Variants in TPH2 observed in about 807,000 individuals in gnomAD.
TPH2 encodes tryptophan 5-hydroxylase 2.
TPH2 carries 27 observed loss-of-function variants against 59.1 expected under a neutral mutation model. The observed-to-expected ratio is 0.46, with a 90% CI of 0.34 to 0.63. The LOEUF is 0.63. TPH2 is among the 30% of genes least tolerant of loss of function. The pLI, the probability that TPH2 is intolerant of heterozygous loss-of-function variation, is 0.01. For synonymous variants in TPH2, 220 were observed against 210.5 expected (o/e 1.05, Z -0.39); for missense variants, 523 against 588.3 (o/e 0.89, Z 1.15).
chr12:71,977,917 T>A (rs2139207669), intron 6 of TPH2, among the ~76,000 whole-genome samples: 1 of 152,332 alleles, frequency 6.6e-6, no homozygotes, highest in African/African-American at 2.4e-5. Flanking sequence ...ACAATGGACC[T>A]CATGCATAGT....
chr12:71,995,406 T>G (rs926164368), intron 8 of TPH2, among the ~76,000 whole-genome samples: 3 of 152,124 alleles, frequency 2.0e-5, no homozygotes, highest in Non-Finnish European at 4.4e-5. Flanking sequence ...AAAAATGCGA[T>G]CTTAAATTGT....
intron 9 of TPH2, among the ~76,000 whole-genome samples, chr12:72,026,874 G>A (rs1873582307): frequency 6.6e-6 from 1 of 152,192 alleles, no homozygotes; most frequent in Admixed American, 6.5e-5. Context: ...AGCAGGATGA[G>A]CCTTTGAGGG....
intron 6 of TPH2, among the ~76,000 whole-genome samples, chr12:71,978,629 T>G (rs1872186215): frequency 6.6e-6 from 1 of 152,222 alleles, no homozygotes; most frequent in African/African-American, 2.4e-5. Flanking sequence ...GCGGTAAGCA[T>G]CACTTTCGAT....
chr12:72,014,457 C>T (rs532931194), intron 8 of TPH2, among the ~76,000 whole-genome samples: 4 of 145,010 alleles, frequency 2.8e-5, no homozygotes, highest in African/African-American at 5.2e-5. Flanking sequence ...GTGGAGTGAT[C>T]TCGGCTCACT....
chr12:72,004,637 G>A (rs994697868), intron 8 of TPH2, among the ~76,000 whole-genome samples: 9 of 152,254 alleles, frequency 5.9e-5, no homozygotes, highest in African/African-American at 1.9e-4. Context: ...AGGGTTTTCT[G>A]GTTTAACTAC....
At chr12:71,967,410 T>A (rs1349186456) in intron 5 of TPH2, among the ~76,000 whole-genome samples, 1 of 152,182 alleles carries the variant, frequency 6.6e-6, no homozygotes, top group East Asian at 1.9e-4. Context: ...CAAGTTGACA[T>A]CCCCATGGTG....
chr12:72,000,545 C>T (rs1872797404), intron 8 of TPH2, among the ~76,000 whole-genome samples: 1 of 152,182 alleles, frequency 6.6e-6, no homozygotes, highest in Admixed American at 6.5e-5. Context: ...GTTCAAGGAC[C>T]ACATTTCAGT....
intron 8 of TPH2, among the ~76,000 whole-genome samples, chr12:72,017,474 A>G (rs1873291503): frequency 6.6e-6 from 1 of 152,236 alleles, no homozygotes; most frequent in Admixed American, 6.5e-5. Context: ...TAAAATATTT[A>G]TAAATAATTA....
Position 72,015,405 on chromosome 12 carries a change from T to C in TPH2, c.1069-6994T>C, listed in dbSNP as rs953385187. 1.5e-4 allele frequency among the ~76,000 whole-genome samples: 22 copies of C among 147,150 alleles called. No individual in the cohort carries two copies. In the Admixed American group the frequency reaches 1.5e-3, roughly 10 times the overall value. On this transcript the variant is annotated intron_variant, in intron 8 of 10. Transcript: ENST00000333850. The stretch of plus-strand genomic sequence containing the variant: ...TGCGATCTTGGTTCACTGCAAGCTC[T>C]GCCTTCCGGGTTCACGCCATTCTCC...
intron 4 of TPH2, among the ~76,000 whole-genome samples, chr12:71,944,928 C>T (rs562710747): frequency 1.3e-5 from 2 of 152,048 alleles, no homozygotes; most frequent in South Asian, 2.1e-4. Context: ...GAGGAGGAGA[C>T]GCTAAACCTT....
chr12:71,971,999 C>T (rs1040714114), intron 5 of TPH2, among the ~76,000 whole-genome samples: 76 of 152,284 alleles, frequency 5.0e-4, no homozygotes, highest in African/African-American at 1.8e-3. Context: ...GCAAAACTTT[C>T]ACTTTTAAAT....
Position 71,944,305 on chromosome 12 carries a change from C to A in TPH2, c.267C>A (p.Val89=). Reference sequence around the variant, plus strand: ...TCGTGTTTCCACAGGAAAAACGTGTCAACATGGTTCATATTGAATCCAGGA... The same window carrying A: ...TCGTGTTTCCACAGGAAAAACGTGTAAACATGGTTCATATTGAATCCAGGA... ...KALRLFQEKR[V]NMVHIESRKS... The change falls in exon 3 of 11, where the codon GTC becomes GTA. Residue 89 remains valine, a synonymous_variant. Transcript: ENST00000333850. The A allele has an allele frequency of 6.2e-7, 1 of 1,613,682 alleles. No individual in the cohort carries two copies. Among genetic ancestry groups the A allele is most frequent in the South Asian group, 1.1e-5 (1 of 91,056 alleles).
intron 3 of TPH2, 21 bp downstream of exon 3, chr12:71,944,498 T>C (rs201274952): frequency 6.2e-7 from 1 of 1,613,904 alleles, no homozygotes; most frequent in East Asian, 2.2e-5. Context: ...TCTTAGCTTG[T>C]CGGGTAACTT....
At chr12:72,029,336 C>T (rs1021856749) in intron 9 of TPH2, among the ~76,000 whole-genome samples, 1 of 152,164 alleles carries the variant, frequency 6.6e-6, no homozygotes, top group African/African-American at 2.4e-5. Flanking sequence ...ACACATTGAG[C>T]CAGCCACAGT....
At chr12:72,003,353 G>A (rs1872873872) in intron 8 of TPH2, among the ~76,000 whole-genome samples, 1 of 152,142 alleles carries the variant, frequency 6.6e-6, no homozygotes, top group Non-Finnish European at 1.5e-5. Flanking sequence ...TGTTTGTGTG[G>A]ATGATCAGTT....
chr12:71,950,022 T>C (rs1316664698), intron 5 of TPH2, among the ~76,000 whole-genome samples: 9 of 151,978 alleles, frequency 5.9e-5, no homozygotes, highest in African/African-American at 2.2e-4. Context: ...CCGATGAAAG[T>C]AGAGGATTCA....
chr12:72,007,723 T>C (rs936630356), intron 8 of TPH2, among the ~76,000 whole-genome samples: 6 of 152,192 alleles, frequency 3.9e-5, no homozygotes, highest in Admixed American at 1.3e-4. Context: ...TAGAAACATT[T>C]AATTGTTTAG....
At chr12:71,950,078 A>T (rs538607030) in intron 5 of TPH2, among the ~76,000 whole-genome samples, 2 of 152,336 alleles carry the variant, frequency 1.3e-5, no homozygotes, top group South Asian at 4.1e-4. Flanking sequence ...AATAGAGAAG[A>T]CATGTGTTTG....
At chr12:71,988,491 G>A (rs1872501607) in intron 7 of TPH2, among the ~76,000 whole-genome samples, 1 of 152,196 alleles carries the variant, frequency 6.6e-6, no homozygotes, top group African/African-American at 2.4e-5. Context: ...GGCGAAGGGA[G>A]GAATGAGAGA....
Sources: gnomAD v4.1 joint callset for allele counts (sites outside exome capture counted in the v4.1 genomes callset) on GRCh38, gnomAD v4.1.1 for gene constraint, MANE v1.5 for transcripts, NCBI Gene and HGNC (gene_info 2026-07-23, HGNC 2026-07-21) for gene names.